The following MAP2K5 variants were observed in gnomAD, a reference collection of about 807,000 sequenced individuals.
MAP2K5 encodes the protein dual specificity mitogen-activated protein kinase kinase 5.
A neutral mutation model predicts 83.1 loss-of-function variants in MAP2K5; 49 were observed. The ratio of observed to expected loss-of-function variants is 0.59; its 90% CI spans 0.47 to 0.75. The LOEUF is 0.75. Ranked by LOEUF, MAP2K5 falls within the 30% of genes least tolerant of loss-of-function variation. The probability of loss-of-function intolerance (pLI) is 0.00; values close to 1 mark genes in which losing one functional copy is unlikely to be tolerated. For synonymous variants in MAP2K5, 202 were observed against 191.8 expected, an observed-to-expected ratio of 1.05 and a Z score of -0.44; for missense variants, 457 against 557.5, an observed-to-expected ratio of 0.82 and a Z score of 1.82.
intron 3 of MAP2K5, among the ~76,000 whole-genome samples, chr15:67,576,564 T>A (rs1000006673): frequency 1.4e-5 from 2 of 147,526 alleles, no homozygotes; most frequent in South Asian, 4.5e-4. Context: ...CTAATCTGAG[T>A]CTAGTACTGG....
chr15:67,670,929 C>T (rs1013663094), intron 13 of MAP2K5, among the ~76,000 whole-genome samples: 1 of 152,196 alleles, frequency 6.6e-6, no homozygotes, highest in African/African-American at 2.4e-5. Flanking sequence ...TTACCAAGAA[C>T]TGCGTATCTG....
chr15:67,688,839 A>G (rs555612364), intron 13 of MAP2K5, among the ~76,000 whole-genome samples: 8 of 152,298 alleles, frequency 5.3e-5, no homozygotes, highest in African/African-American at 1.9e-4. Context: ...CCCAGGTCAT[A>G]TGTCTCCTAG....
rs764265051 is a variant in MAP2K5, at chr15:67,719,723, C to T, written c.1045-8193C>T. ...AATAGGTAGGCTGGAAATCTATCTA[C>T]TCATCTGTTGCAACATCTCAGATTC... On this transcript the variant is annotated intron_variant, in intron 16 of 21. Transcript: ENST00000178640. This position sits in a 1 kb window ranked among gnomAD's most constrained non-coding sequence, Gnocchi z 4.6. 3.3e-5 allele frequency among the ~76,000 whole-genome samples: 5 copies of T among 152,214 alleles called. No homozygotes were observed. The highest frequency in any genetic ancestry group is 4.8e-5 in the African/African-American group (2 of 41,452).
intron 7 of MAP2K5, among the ~76,000 whole-genome samples, chr15:67,596,687 T>C (rs920133470): frequency 6.6e-6 from 1 of 152,222 alleles, no homozygotes. Flanking sequence ...CTGTTTCTTT[T>C]ATGGCCCCTG....
At chr15:67,688,610 T>G (rs939946249) in intron 13 of MAP2K5, among the ~76,000 whole-genome samples, 1 of 152,200 alleles carries the variant, frequency 6.6e-6, no homozygotes. Flanking sequence ...ATATACAACT[T>G]TTTCTAGCTT....
chr15:67,579,453 T>A (rs1328151583), intron 3 of MAP2K5, among the ~76,000 whole-genome samples: 2 of 152,224 alleles, frequency 1.3e-5, no homozygotes, highest in African/African-American at 4.8e-5. Flanking sequence ...TGCCTTAGTA[T>A]GTATTCCAGA....
chr15:67,696,809 C>T (rs2088274690), intron 15 of MAP2K5, among the ~76,000 whole-genome samples: 1 of 152,146 alleles, frequency 6.6e-6, no homozygotes, highest in African/African-American at 2.4e-5. Context: ...GAAACCCCAT[C>T]TCTACTAAAA....
intron 16 of MAP2K5, among the ~76,000 whole-genome samples, chr15:67,705,018 A>G (rs2088514802): frequency 1.3e-5 from 2 of 152,108 alleles, no homozygotes; most frequent in Admixed American, 6.6e-5. Context: ...TTTGTAAAAT[A>G]TTGATCTCTA....
In MAP2K5 at chr15:67,543,355, G is replaced by A; in HGVS notation, c.20G>A (p.Gly7Asp). The change falls in exon 1 of 22, where the codon GGC becomes GAC. Residue 7 changes from glycine to aspartate, a missense_variant. Physicochemically the swap from Gly to Asp is moderately conservative, Grantham distance 94 (BLOSUM62 -1). This residue lies in a region of MAP2K5 where 234 missense variants were observed against 243.6 expected (regional missense o/e 0.96). Coordinates refer to ENST00000178640, the MANE Select transcript of MAP2K5 (RefSeq NM_145160.3). This position sits in a 1 kb window ranked among gnomAD's most constrained non-coding sequence, Gnocchi z 4.3. ...CCTGTAATGCTGTGGCTAGCCCTTG[G>A]CCCCTTTCCTGCCATGGAGAACCAG... is the stretch of plus-strand genomic sequence containing the variant. MLWLAL[G>D]PFPAMENQVL... is the part of the protein sequence containing the mutation. 1 of 1,614,196 alleles carries A rather than the reference G, an allele frequency of 6.2e-7. No individual in the cohort carries two copies. Among genetic ancestry groups the A allele is most frequent in the Non-Finnish European group, 8.5e-7 (1 of 1,180,034 alleles).
In MAP2K5 at chr15:67,543,202, C is replaced by T. The variant is rs979663582; in HGVS notation, c.-134C>T. On this transcript the variant is annotated 5_prime_UTR_variant, in exon 1 of 22. Transcript: ENST00000178640. The surrounding 1 kb of genome is among the most constrained non-coding windows in gnomAD (Gnocchi z 4.3). ...TGATCACCCCTCCCCTCTTCCCTCC[C>T]CCTCATCCTCCATTCCCTTGTTTTC... The T allele has an allele frequency of 7.1e-5, 63 of 889,674 alleles. No homozygotes were observed. Among genetic ancestry groups the T allele is most frequent in the Non-Finnish European group, 1.0e-4 (57 of 556,918 alleles). The allele number at this position is 889,674 out of a possible 1,614,324, so 55.1% of individuals were successfully genotyped here. A position where few individuals can be genotyped will look rare whatever the true frequency, so the allele number is the denominator to read the frequency against.
At position 67,736,547 on chromosome 15, in the gene MAP2K5, C is replaced by T. The variant is rs1429477170; in HGVS notation, c.1074+8602C>T. ...TGACCATGTCTCACACCAGGTAGGA[C>T]TAAAATGAATTATTTTTCTGATCCC... On this transcript the variant is annotated intron_variant, in intron 17 of 21. Transcript: ENST00000178640. This position sits in a 1 kb window ranked among gnomAD's most constrained non-coding sequence, Gnocchi z 4.3. Among the ~76,000 whole-genome samples the T allele has an allele frequency of 6.6e-6, 1 of 152,174 alleles. No individual in the cohort carries two copies. Among genetic ancestry groups the T allele is most frequent in the Non-Finnish European group, 1.5e-5 (1 of 68,036 alleles).
chr15:67,795,407 A>G (rs1254557954), intron 21 of MAP2K5, among the ~76,000 whole-genome samples: 1 of 152,230 alleles, frequency 6.6e-6, no homozygotes, highest in East Asian at 1.9e-4. Context: ...GCTGCATCCA[A>G]CAAGTATTTA....
intron 2 of MAP2K5, among the ~76,000 whole-genome samples, chr15:67,554,476 A>C (rs909223366): frequency 1.3e-5 from 2 of 152,246 alleles, no homozygotes; most frequent in African/African-American, 4.8e-5. Context: ...GTAGCTGTCA[A>C]ATGTACCTGT....
intron 21 of MAP2K5, 107 bp from the exon 22 acceptor site, chr15:67,806,539 G>T: frequency 1.0e-6 from 1 of 965,240 alleles, no homozygotes; most frequent in Non-Finnish European, 1.5e-6. Flanking sequence ...ACCTCACAGG[G>T]TTACTGGGGA....
At chr15:67,649,206 CAAATCCTTTGTCTATTTTTT>C (rs1357126557) in intron 11 of MAP2K5, among the ~76,000 whole-genome samples, 1 of 152,100 alleles carries the variant, frequency 6.6e-6, no homozygotes, top group African/African-American at 2.4e-5. Flanking sequence ...AATATGTTTT[CAAATCCTTTGTCTATTTTTT>C]AAATGAGTTA....
intron 16 of MAP2K5, among the ~76,000 whole-genome samples, chr15:67,714,651 T>A (rs747135437): frequency 1.3e-5 from 2 of 152,160 alleles, no homozygotes; most frequent in Non-Finnish European, 2.9e-5. Flanking sequence ...TATTTTCTCT[T>A]CTTCTTTTTA....
rs2085865174 is a variant in MAP2K5 at position 67,609,524 on chromosome 15, T to TATA, written c.545+8775_545+8776insATA. Among the ~76,000 whole-genome samples, 9 of 110,032 alleles carry TATA rather than the reference T, an allele frequency of 8.2e-5. 1 individual carries two copies. Among genetic ancestry groups the TATA allele is most frequent in the African/African-American group, 2.7e-4 (8 of 29,588 alleles). The allele number at this position is 110,032 out of a possible 152,430, so 72.2% of individuals were successfully genotyped here. A position where few individuals can be genotyped will look rare whatever the true frequency, so the allele number is the denominator to read the frequency against. On this transcript the variant is annotated intron_variant, in intron 8 of 21. Transcript: ENST00000178640. ...ATTCTGTAGACCTATTCTATAGGTCTGTAGATTCTGTAGACCTATTCTATA... is the reference window on the plus strand; with the variant it reads ...ATTCTGTAGACCTATTCTATAGGTCTATAGTAGATTCTGTAGACCTATTCTATA...
chr15:67,582,211 G>A (rs915627933), intron 4 of MAP2K5, among the ~76,000 whole-genome samples: 7 of 151,986 alleles, frequency 4.6e-5, no homozygotes, highest in African/African-American at 1.7e-4. Flanking sequence ...ACAGGCTCGT[G>A]TCACCACACC....
rs1247636391 is a variant in MAP2K5 at position 67,652,179 on chromosome 15, C to G, written c.736+5710C>G. Among the ~76,000 whole-genome samples the G allele has an allele frequency of 2.6e-5, 4 of 152,066 alleles. No homozygotes were observed. Among genetic ancestry groups the G allele is most frequent in the Non-Finnish European group, 5.9e-5 (4 of 68,004 alleles). On this transcript the variant is annotated intron_variant, in intron 11 of 21. Transcript: ENST00000178640. This position sits in a 1 kb window ranked among gnomAD's most constrained non-coding sequence, Gnocchi z 4.2. ...TTCTTTAAACATTTGATAGAATTCACCAGTGAAATCATCTGGTTCTGAGGT... is the reference window on the plus strand; with the variant it reads ...TTCTTTAAACATTTGATAGAATTCAGCAGTGAAATCATCTGGTTCTGAGGT...
Sources: allele counts gnomAD v4.1 joint callset (sites outside exome capture counted in the v4.1 genomes callset), GRCh38; gene constraint gnomAD v4.1.1; regional missense constraint gnomAD v4.1.1; non-coding constraint Gnocchi (gnomAD v3.1); transcripts MANE v1.5; gene names NCBI Gene and HGNC (gene_info 2026-07-23, HGNC 2026-07-21).